Variants in SPRTN observed in about 807,000 individuals in gnomAD.
SPRTN encodes the protein DNA-dependent metalloprotease SPRTN.
SPRTN carries 11 observed loss-of-function variants against 31.9 expected under a neutral mutation model. That is an observed-to-expected ratio of 0.34 (90% CI 0.22 to 0.57). SPRTN has a LOEUF of 0.57. Ranked by LOEUF, SPRTN falls within the 20% of genes least tolerant of loss-of-function variation. The pLI is 0.86. For missense variants in SPRTN, 482 were observed against 590.1 expected, an observed-to-expected ratio of 0.82 and a Z score of 1.90; for synonymous variants, 185 against 212.1, an observed-to-expected ratio of 0.87 and a Z score of 1.11.
At chr1:231,339,977 C>T in intron 2 of SPRTN, 109 bp downstream of exon 2, 1 of 972,638 alleles carries the variant, frequency 1.0e-6, no homozygotes, top group South Asian at 1.4e-5. Context: ...AGTCACTTTG[C>T]CCTCAGTGAA....
Position 231,345,820 on chromosome 1 carries a change from G to A in SPRTN, c.322-1977G>A, listed in dbSNP as rs564986172. The stretch of plus-strand genomic sequence containing the variant: ...CATCCTAGTGTAGTGTTGGGTTTTT[G>A]TGGGGGTTTTTTGTTTTTTGAGACA... On this transcript the variant is annotated intron_variant, in intron 2 of 4. Coordinates refer to ENST00000295050, the MANE Select transcript of SPRTN (RefSeq NM_032018.7). Among the ~76,000 whole-genome samples the A allele has an allele frequency of 6.1e-4, 92 of 152,048 alleles. 1 individual carries two copies. Among genetic ancestry groups the A allele is most frequent in the African/African-American group, 2.2e-3 (91 of 41,476 alleles).
intron 2 of SPRTN, among the ~76,000 whole-genome samples, chr1:231,343,263 C>CCTATAGCCTAGGTATATATACT (rs1477408709): frequency 4.0e-5 from 6 of 149,174 alleles, no homozygotes; most frequent in Non-Finnish European, 7.4e-5. Flanking sequence ...GTATATATAC[C>CCTATAGCCTAGGTATATATACT]CTATAGCCTA....
chr1:231,354,368 T>C lies in SPRTN; in HGVS notation c.*1007T>C. On this transcript the variant is annotated 3_prime_UTR_variant, in exon 5 of 5. Transcript: ENST00000295050. ...GTTGGCATAGCCCTAACACAGTTGT[T>C]CACAAGTTTTCTTTTTTCTTGTTGC... The C allele has an allele frequency of 1.0e-6, 1 of 985,386 alleles. No individual in the cohort carries two copies. The highest frequency in any genetic ancestry group is 1.2e-6 in the Non-Finnish European group (1 of 829,850). The allele number at this position is 985,386 out of a possible 1,614,324, so 61.0% of individuals were successfully genotyped here.
intron 4 of SPRTN, 155 bp downstream of exon 4, chr1:231,351,726 C>T: frequency 1.4e-6 from 2 of 1,442,764 alleles, no homozygotes; most frequent in Non-Finnish European, 1.8e-6. Flanking sequence ...TCCCACTGTC[C>T]ATGAAATGAT....
chr1:231,353,345 G>A lies in SPRTN; in HGVS notation c.1454G>A (p.Ser485Asn), dbSNP rs1687299403. Reference sequence around the variant, plus strand: ...GAAGGTGACAGCATCAAAGTCAAAAGCGAAGAAAGTCTTTGAAAAAGGTTT... The same window carrying A: ...GAAGGTGACAGCATCAAAGTCAAAAACGAAGAAAGTCTTTGAAAAAGGTTT... ...CLEGDSIKVK[S>N]EESL Residue 485 changes from serine (S) to asparagine (N), a missense_variant, in exon 5 of 5, where the codon AGC (serine) becomes AAC (asparagine). Ser to Asn is a conservative substitution (Grantham distance 46, BLOSUM62 1). Coordinates refer to ENST00000295050, the MANE Select transcript of SPRTN (RefSeq NM_032018.7). 7 of 1,585,078 alleles carry A rather than the reference G, an allele frequency of 4.4e-6. No individual in the cohort carries two copies. In the East Asian group the frequency reaches 1.3e-4, roughly 30 times the overall value.
rs561313399 is a variant in SPRTN at position 231,354,943 on chromosome 1, G to A, written c.*1582G>A. 6 of 933,052 alleles carry A rather than the reference G, an allele frequency of 6.4e-6. No individual in the cohort carries two copies. The highest frequency in any genetic ancestry group is 3.6e-5 in the African/African-American group (2 of 56,246). The allele number at this position is 933,052 out of a possible 1,614,324, so 57.8% of individuals were successfully genotyped here. A position where few individuals can be genotyped will look rare whatever the true frequency, so the allele number is the denominator to read the frequency against. ...CATAACACTGTTAGCAGCCCTTTTC[G>A]TTTTAGACTGGTTGGCTGTTCACAA... On this transcript the variant is annotated 3_prime_UTR_variant, in exon 5 of 5. Coordinates refer to ENST00000295050, the MANE Select transcript of SPRTN (RefSeq NM_032018.7).
intron 4 of SPRTN, 62 bp from the exon 5 acceptor site, chr1:231,352,548 T>C (rs1558368370): frequency 6.6e-7 from 1 of 1,520,216 alleles, no homozygotes; most frequent in African/African-American, 1.4e-5. Context: ...GTTTAATGTT[T>C]GTTACTGTAT....
At position 231,353,229 on chromosome 1, in the gene SPRTN, T is replaced by C; in HGVS notation, c.1338T>C (p.Ser446=). The C allele has an allele frequency of 6.2e-7, 1 of 1,614,084 alleles. No individual in the cohort carries two copies. The highest frequency in any genetic ancestry group is 8.5e-7 in the Non-Finnish European group (1 of 1,179,978). Reference sequence around the variant, plus strand: ...CAACCACAGCTCAGAATTCCAGCAGTTCATCCAGTCAGAGCAAAATGGTTA... The same window carrying C: ...CAACCACAGCTCAGAATTCCAGCAGCTCATCCAGTCAGAGCAAAATGGTTA... ...YSTTTAQNSS[S]SSSQSKMVNC... Residue 446 remains serine (S), a synonymous_variant, in exon 5 of 5, where the codon AGT becomes AGC. Transcript: ENST00000295050.
chr1:231,343,058 C>T (rs1186511725), intron 2 of SPRTN, among the ~76,000 whole-genome samples: 1 of 151,986 alleles, frequency 6.6e-6, no homozygotes, highest in Non-Finnish European at 1.5e-5. Flanking sequence ...TTTATTGTAC[C>T]TTTTTTCTTC....
intron 2 of SPRTN, among the ~76,000 whole-genome samples, chr1:231,345,512 G>T (rs1379069243): frequency 1.3e-5 from 2 of 152,168 alleles, no homozygotes; most frequent in African/African-American, 4.8e-5. Flanking sequence ...TGGCTGCATA[G>T]AATTCCATTA....
intron 2 of SPRTN, among the ~76,000 whole-genome samples, chr1:231,341,567 T>C (rs1686891235): frequency 6.6e-6 from 1 of 152,150 alleles, no homozygotes; most frequent in African/African-American, 2.4e-5. Flanking sequence ...GGAAGAAGTT[T>C]TACTAGAGGA....
intron 3 of SPRTN, among the ~76,000 whole-genome samples, chr1:231,349,060 T>C (rs1298062210): frequency 6.6e-6 from 1 of 152,080 alleles, no homozygotes; most frequent in Non-Finnish European, 1.5e-5. Context: ...AGATTCAACC[T>C]CCTGGGCTTA....
At chr1:231,351,718 C>T in intron 4 of SPRTN, 147 bp downstream of exon 4, 2 of 1,454,610 alleles carry the variant, frequency 1.4e-6, no homozygotes, top group South Asian at 3.0e-5. Flanking sequence ...GGAAAAAATC[C>T]CACTGTCCAT....
At chr1:231,343,235 A>G (rs1372955384) in intron 2 of SPRTN, among the ~76,000 whole-genome samples, 1 of 151,876 alleles carries the variant, frequency 6.6e-6, no homozygotes, top group Non-Finnish European at 1.5e-5. Context: ...GCCTAGGTAT[A>G]TATACTCTAT....
chr1:231,340,878 A>G (rs752514168), intron 2 of SPRTN, among the ~76,000 whole-genome samples: 3 of 152,160 alleles, frequency 2.0e-5, no homozygotes, highest in Admixed American at 6.6e-5. Context: ...ATGTTAAAAC[A>G]TGCTTGGAGA....
In SPRTN at chr1:231,352,754, A is replaced by G; in HGVS notation, c.863A>G (p.Asn288Ser). ...INKTQDLLNQ[N>S]HSANAVRPNS... ...AAAACCCAAGATCTTTTAAATCAAA[A>G]CCATTCAGCAAATGCTGTAAGACCT... Residue 288 changes from asparagine (N) to serine (S), a missense_variant, in exon 5 of 5, where the codon AAC becomes AGC. By Grantham distance (46) the Asn-to-Ser change is conservative (BLOSUM62 1). This residue lies in a region of SPRTN where 325 missense variants were observed against 350.2 expected (regional missense o/e 0.93). Coordinates refer to ENST00000295050, the MANE Select transcript of SPRTN (RefSeq NM_032018.7). The G allele has an allele frequency of 2.5e-6, 4 of 1,614,128 alleles. No individual in the cohort carries two copies. The highest frequency in any genetic ancestry group is 3.4e-6 in the Non-Finnish European group (4 of 1,179,992).
chr1:231,338,751 C>T, intron 1 of SPRTN, 147 bp downstream of exon 1: 1 of 857,542 alleles, frequency 1.2e-6, no homozygotes, highest in Non-Finnish European at 1.8e-6. Context: ...CAATTCCTGC[C>T]TCGGCGTGTT....
intron 2 of SPRTN, among the ~76,000 whole-genome samples, chr1:231,346,183 CTTTTTTTT>C (rs71583771): frequency 1.1e-5 from 1 of 89,104 alleles, no homozygotes; most frequent in African/African-American, 4.7e-5. Flanking sequence ...CTTTTCTTTT[CTTTTTTTT>C]TTTTTTTTTT....
At chr1:231,338,630 A>G (rs1686764660) in intron 1 of SPRTN, 26 bp downstream of exon 1, 1 of 1,612,682 alleles carries the variant, frequency 6.2e-7, no homozygotes, top group African/African-American at 1.3e-5. Context: ...CGCTGGGGAA[A>G]GAGGCGGGAC....
Sources: gnomAD v4.1 joint callset for allele counts (sites outside exome capture counted in the v4.1 genomes callset) on GRCh38, gnomAD v4.1.1 for gene constraint, gnomAD v4.1.1 regional missense constraint, MANE v1.5 for transcripts, NCBI Gene and HGNC (gene_info 2026-07-23, HGNC 2026-07-21) for gene names.